The following CCDC47 variants were observed in gnomAD, a reference collection of about 807,000 sequenced individuals.
CCDC47 encodes the protein PAT complex subunit CCDC47.
CCDC47 carries 41 observed loss-of-function variants against 60.5 expected under a neutral mutation model. That is an observed-to-expected ratio of 0.68 (90% CI 0.53 to 0.88). The LOEUF is 0.88. Among genes scored for constraint, CCDC47 ranks in the 40% least tolerant of loss-of-function variants. The pLI, the probability that CCDC47 is intolerant of heterozygous loss-of-function variation, is 0.00. For synonymous variants in CCDC47, 195 were observed against 190.7 expected, an observed-to-expected ratio of 1.02 and a Z score of -0.18; for missense variants, 513 against 580.9, an observed-to-expected ratio of 0.88 and a Z score of 1.20.
chr17:63,765,263 G>A (rs1689493479), intron 2 of CCDC47, among the ~76,000 whole-genome samples: 1 of 151,804 alleles, frequency 6.6e-6, no homozygotes, highest in South Asian at 2.1e-4. Flanking sequence ...ATTTTTGTCA[G>A]TTACACCTCA....
chr17:63,762,594 G>C (rs1041997606), intron 4 of CCDC47, among the ~76,000 whole-genome samples: 2 of 152,114 alleles, frequency 1.3e-5, no homozygotes, highest in African/African-American at 4.8e-5. Context: ...AGAGAAATAA[G>C]GTGCTAAATG....
At chr17:63,767,565 T>C (rs1185606210) in intron 1 of CCDC47, among the ~76,000 whole-genome samples, 1 of 152,090 alleles carries the variant, frequency 6.6e-6, no homozygotes, top group Non-Finnish European at 1.5e-5. Context: ...CTGTCCCTCA[T>C]CTAAACACCA....
At chr17:63,759,534 T>TAC (rs34020793) in intron 6 of CCDC47, among the ~76,000 whole-genome samples, 1 of 7,034 alleles carries the variant, frequency 1.4e-4, no homozygotes, top group Non-Finnish European at 2.2e-4. Flanking sequence ...TATTTATATA[T>TAC]ATATATATAT....
intron 1 of CCDC47, among the ~76,000 whole-genome samples, chr17:63,767,532 C>T (rs1462500540): frequency 6.6e-6 from 1 of 152,036 alleles, no homozygotes; most frequent in East Asian, 1.9e-4. Flanking sequence ...ACCATCAAAC[C>T]CATTTAGGCT....
chr17:63,765,892 A>C lies in CCDC47; in HGVS notation c.264+20T>G. On this transcript the variant is annotated intron_variant, in intron 2 of 12. Transcript: ENST00000225726. Reference sequence around the variant, plus strand: ...TGCTAGTTACAAATTTTTCCAATAAATTAATAAAAAGAGCCTCACCTGGGT... The same window carrying C: ...TGCTAGTTACAAATTTTTCCAATAACTTAATAAAAAGAGCCTCACCTGGGT... 6.3e-7 allele frequency: 1 copy of C among 1,586,440 alleles called. No individual in the cohort carries two copies. Among genetic ancestry groups the C allele is most frequent in the Non-Finnish European group, 8.6e-7 (1 of 1,169,034 alleles).
At chr17:63,758,189 A>G (rs548526275) in intron 6 of CCDC47, among the ~76,000 whole-genome samples, 1 of 152,330 alleles carries the variant, frequency 6.6e-6, no homozygotes, top group East Asian at 1.9e-4. Flanking sequence ...TTCAAGTTCT[A>G]TGAGCCATTC....
chr17:63,753,634 T>A, intron 9 of CCDC47: 1 of 983,002 alleles, frequency 1.0e-6, no homozygotes, highest in Non-Finnish European at 1.2e-6. Flanking sequence ...TATGTACTCC[T>A]GAACAGTATT....
chr17:63,753,191 A>G lies in CCDC47; in HGVS notation c.1035-392T>C, dbSNP rs922412304. 7.4e-6 allele frequency: 5 copies of G among 675,806 alleles called. No individual in the cohort carries two copies. In the African/African-American group the frequency reaches 9.8e-5, roughly 13 times the overall value. The allele number at this position is 675,806 out of a possible 1,614,324, so 41.9% of individuals were successfully genotyped here. On this transcript the variant is annotated intron_variant, in intron 9 of 12. Transcript: ENST00000225726. ...CTATTCTATCTTCCTATAACAAGGC[A>G]TCTTATTATCTTATTTTTGAGTTAG...
At chr17:63,769,142 C>G (rs933434584) in intron 1 of CCDC47, among the ~76,000 whole-genome samples, 4 of 150,644 alleles carry the variant, frequency 2.7e-5, no homozygotes, top group African/African-American at 9.8e-5. Flanking sequence ...TCCAGCTATT[C>G]TGGTGGCTGA....
In CCDC47 at chr17:63,754,209, A is replaced by T. The variant is rs2039187971; in HGVS notation, c.1034+224T>A. Among the ~76,000 whole-genome samples the T allele has an allele frequency of 2.0e-5, 3 of 152,326 alleles. 1 individual carries two copies. The South Asian group carries it at 6.2e-4, about 32-fold the overall frequency. On this transcript the variant is annotated intron_variant, in intron 9 of 12. Coordinates refer to ENST00000225726, the MANE Select transcript of CCDC47 (RefSeq NM_020198.3). ...ATCTCACTGAGTCAGTGGCACAAAC[A>T]TGCAGGGACACATACAAACTGGGAT... is the stretch of plus-strand genomic sequence containing the variant.
rs1313258836 is a variant in CCDC47 at position 63,752,382 on chromosome 17, G to A, written c.1141C>T (p.Pro381Ser). 4 of 1,613,992 alleles carry A rather than the reference G, an allele frequency of 2.5e-6. No individual in the cohort carries two copies. Among genetic ancestry groups the A allele is most frequent in the South Asian group, 1.1e-5 (1 of 91,070 alleles). The change falls in exon 11 of 13, where the codon CCC becomes TCC. Residue 381 changes from proline to serine, a missense_variant. Pro to Ser is a moderately conservative substitution (Grantham distance 74). Coordinates refer to ENST00000225726, the MANE Select transcript of CCDC47 (RefSeq NM_020198.3). ...GAATAAATCACCATGTTCATCAGGG[G>A]TAGCAGTGCCTCCATATCCTTTGGG... Reference protein sequence around the residue: ...TYPKDMEALLPLMNMVIYSID... With the variant: ...TYPKDMEALLSLMNMVIYSID...
At chr17:63,760,347 G>A (rs942599443) in intron 6 of CCDC47, among the ~76,000 whole-genome samples, 1 of 152,156 alleles carries the variant, frequency 6.6e-6, no homozygotes, top group African/African-American at 2.4e-5. Context: ...TATTGTCAAG[G>A]CTAACTCCAT....
intron 1 of CCDC47, among the ~76,000 whole-genome samples, chr17:63,769,083 C>CA (rs531547773): frequency 0.029 from 2,729 of 94,536 alleles, 34 homozygotes; most frequent in Non-Finnish European, 0.04. Flanking sequence ...GACTCTGTCT[C>CA]AAAAAAAAAA....
At chr17:63,757,515 A>G (rs546308747) in intron 6 of CCDC47, among the ~76,000 whole-genome samples, 1 of 152,316 alleles carries the variant, frequency 6.6e-6, no homozygotes, top group East Asian at 1.9e-4. Context: ...TCAGCCTGTT[A>G]AAACCCTAGA....
At chr17:63,765,720 T>G (rs554821973) in intron 2 of CCDC47, 192 bp downstream of exon 2, 1 of 1,394,526 alleles carries the variant, frequency 7.2e-7, no homozygotes. Context: ...AGGGTTTCAA[T>G]AGAAGAACAC....
intron 4 of CCDC47, chr17:63,761,857 T>C: frequency 1.1e-6 from 1 of 947,272 alleles, no homozygotes; most frequent in Non-Finnish European, 1.3e-6. Flanking sequence ...AAAACTATTG[T>C]CTGTATTAGA....
chr17:63,751,207 C>T (rs944304954), intron 12 of CCDC47, among the ~76,000 whole-genome samples: 1 of 150,762 alleles, frequency 6.6e-6, no homozygotes, highest in African/African-American at 2.4e-5. Flanking sequence ...CCAGCATTTA[C>T]AAGGTCTAAA....
intron 1 of CCDC47, among the ~76,000 whole-genome samples, chr17:63,772,605 A>G (rs964363487): frequency 6.6e-6 from 1 of 152,158 alleles, no homozygotes; most frequent in African/African-American, 2.4e-5. Flanking sequence ...AGCAACTAAA[A>G]GTTAACACCG....
chr17:63,764,786 G>A lies in CCDC47; in HGVS notation c.326C>T (p.Pro109Leu). 6.2e-7 allele frequency: 1 copy of A among 1,613,378 alleles called. No individual in the cohort carries two copies. Among genetic ancestry groups the A allele is most frequent in the Non-Finnish European group, 8.5e-7 (1 of 1,179,864 alleles). The change falls in exon 3 of 13, where the codon CCA becomes CTA. Residue 109 changes from proline (P) to leucine (L), a missense_variant. Pro to Leu is a moderately conservative substitution (Grantham distance 98, BLOSUM62 -3). Coordinates refer to ENST00000225726, the MANE Select transcript of CCDC47 (RefSeq NM_020198.3). The part of the protein sequence containing the change: ...DEEFEGYEDK[P>L]DTSSSKNKDP... ...TTTATTTTTGCTAGAAGAAGTATCT[G>A]GTTTGTCTTCATAACCTTCAAATTC...
Sources: allele counts gnomAD v4.1 joint callset (sites outside exome capture counted in the v4.1 genomes callset), GRCh38; gene constraint gnomAD v4.1.1; transcripts MANE v1.5; gene names NCBI Gene and HGNC (gene_info 2026-07-23, HGNC 2026-07-21).